CFAP74: variants seen among roughly 807,000 people sequenced by gnomAD.
CFAP74 encodes cilia- and flagella-associated protein 74.
In CFAP74, 124 loss-of-function variants were observed where a neutral mutation model predicts 188.9. The ratio of observed to expected loss-of-function variants is 0.66; its 90% CI spans 0.57 to 0.76. The LOEUF is 0.76. CFAP74 is among the 30% of genes least tolerant of loss of function. The probability of loss-of-function intolerance (pLI) is 0.00; values close to 1 mark genes in which losing one functional copy is unlikely to be tolerated. For synonymous variants in CFAP74, 956 were observed against 916.7 expected (o/e 1.04, Z -0.77); for missense variants, 2,198 against 2,165.2 (o/e 1.02, Z -0.30).
intron 6 of CFAP74, among the ~76,000 whole-genome samples, chr1:1,979,594 G>T (rs1308809172): frequency 1.5e-5 from 2 of 133,866 alleles, no homozygotes. Context: ...GAACATGCGT[G>T]TGGTACTGAG....
Position 1,988,991 on chromosome 1 carries a change from A to G in CFAP74, c.68-18T>C. 2 of 1,200,120 alleles carry G rather than the reference A, an allele frequency of 1.7e-6. No individual in the cohort carries two copies. The highest frequency in any genetic ancestry group is 2.4e-6 in the Non-Finnish European group (2 of 838,130). The allele number at this position is 1,200,120 out of a possible 1,614,324, so 74.3% of individuals were successfully genotyped here. A position where few individuals can be genotyped will look rare whatever the true frequency, so the allele number is the denominator to read the frequency against. ...ATCTCTTTCTAGAAATCAAGGCAAGAGTTTAAAAAAAAAAAAAAGCAGATC... is the reference window on the plus strand; with the variant it reads ...ATCTCTTTCTAGAAATCAAGGCAAGGGTTTAAAAAAAAAAAAAAGCAGATC... On this transcript the variant is annotated intron_variant, in intron 2 of 38. Coordinates refer to ENST00000682832, the MANE Select transcript of CFAP74 (RefSeq NM_001304360.2).
At chr1:1,974,500 G>A (rs1418207191) in intron 6 of CFAP74, among the ~76,000 whole-genome samples, 1 of 152,228 alleles carries the variant, frequency 6.6e-6, no homozygotes. Flanking sequence ...CCTGGGGCAG[G>A]CCCTGCCCAG....
chr1:1,926,457 G>A lies in CFAP74; in HGVS notation c.3828C>T (p.Ala1276=), dbSNP rs28429519. ...SIQNVSPEDL[A]LDFSLLNPNG... is the part of the protein sequence containing the mutation. ...GCCTGAGCTGGGTGGACAAGGACAC[G>A]GCCAGATCCTCGGGAGAGACGTTCT... Residue 1276 remains alanine (A), a splice_region_variant and synonymous_variant, in exon 31 of 39, where the codon GCC becomes GCT. Transcript: ENST00000682832. 1.6e-3 allele frequency: 2,456 copies of A among 1,550,260 alleles called. 42 individuals are homozygous for A. In the African/African-American group the frequency reaches 0.03, roughly 19 times the overall value.
chr1:1,966,894 C>T (rs987172349), intron 11 of CFAP74, among the ~76,000 whole-genome samples: 1 of 149,286 alleles, frequency 6.7e-6, no homozygotes, highest in Non-Finnish European at 1.5e-5. Flanking sequence ...TAGAGTGTAG[C>T]AGCGCGATCT....
In CFAP74 at chr1:1,923,316, C is replaced by T. The variant is rs1337185654; in HGVS notation, c.4522+51G>A. On this transcript the variant is annotated intron_variant, in intron 36 of 38. Transcript: ENST00000682832. This position sits in a 1 kb window ranked among gnomAD's most constrained non-coding sequence, Gnocchi z 6.3. ...GGTCTCGGGGCCCCCATCCACGGGA[C>T]AGGGGCACCGGGAGGCCCCGTGTCT... 1.3e-6 allele frequency: 2 copies of T among 1,528,812 alleles called. No homozygotes were observed. The highest frequency in any genetic ancestry group is 2.0e-5 in the Admixed American group (1 of 49,592). The allele number at this position is 1,528,812 out of a possible 1,614,324, so 94.7% of individuals were successfully genotyped here.
intron 25 of CFAP74, 124 bp downstream of exon 25, chr1:1,938,731 G>C: frequency 8.4e-7 from 1 of 1,188,542 alleles, no homozygotes; most frequent in Non-Finnish European, 1.2e-6. Context: ...GTGCTGCCCA[G>C]CCCAGCCCTG....
At chr1:1,987,178 C>T in intron 4 of CFAP74, 143 bp from the exon 5 acceptor site, 1 of 609,148 alleles carries the variant, frequency 1.6e-6, no homozygotes. Context: ...TCTCTAACAC[C>T]TTCAAGCCAC....
At chr1:1,956,594 C>T in intron 17 of CFAP74, 26 bp downstream of exon 17, 1 of 1,613,588 alleles carries the variant, frequency 6.2e-7, no homozygotes, top group Non-Finnish European at 8.5e-7. Context: ...TCCCCACACT[C>T]CCCCATGGCT....
At position 1,955,182 on chromosome 1, in the gene CFAP74, C is replaced by T; in HGVS notation, c.2176+509G>A. 2.3e-6 allele frequency: 3 copies of T among 1,286,516 alleles called. No homozygotes were observed. The South Asian group carries it at 3.7e-5, about 16-fold the overall frequency. 79.7% of individuals were successfully genotyped at this position (1,286,516 alleles called of 1,614,324 possible). On this transcript the variant is annotated intron_variant, in intron 18 of 38. Coordinates refer to ENST00000682832, the MANE Select transcript of CFAP74 (RefSeq NM_001304360.2). Reference sequence around the variant, plus strand: ...ACAGACAGGAGGAGGACGGAGGTTTCTGGATCTCGATGCGTATGTGGGAAA... The same window carrying T: ...ACAGACAGGAGGAGGACGGAGGTTTTTGGATCTCGATGCGTATGTGGGAAA...
intron 1 of CFAP74, among the ~76,000 whole-genome samples, chr1:1,999,150 C>A (rs150312730): frequency 3.2e-4 from 48 of 152,286 alleles, no homozygotes; most frequent in African/African-American, 9.9e-4. Context: ...GGGTGCCCCA[C>A]CAGATATCAA....
At chr1:1,969,705 C>G (rs1013180260) in intron 10 of CFAP74, among the ~76,000 whole-genome samples, 1 of 152,212 alleles carries the variant, frequency 6.6e-6, no homozygotes, top group East Asian at 1.9e-4. Context: ...TGCCAGGACC[C>G]CCCCGCCCAG....
Position 1,922,696 on chromosome 1 carries a change from C to T in CFAP74, c.4711G>A (p.Ala1571Thr), listed in dbSNP as rs949920100. The T allele has an allele frequency of 1.6e-5, 26 of 1,600,010 alleles. No individual in the cohort carries two copies. The highest frequency in any genetic ancestry group is 2.2e-5 in the South Asian group (2 of 90,136). The change falls in exon 38 of 39, where the codon GCA becomes ACA. Residue 1571 changes from alanine to threonine, a missense_variant. Transcript: ENST00000682832. The part of the protein sequence containing the change: ...KTVEFSIDSV[A>T]SLQHKGFSIE... ...GAGAAACCCTTGTGCTGCAGGGATGCGACGCTGTCTATGCTGAACTCAACG... is the reference window on the plus strand; with the variant it reads ...GAGAAACCCTTGTGCTGCAGGGATGTGACGCTGTCTATGCTGAACTCAACG...
chr1:1,982,256 G>A (rs1331398734), intron 6 of CFAP74, among the ~76,000 whole-genome samples: 6 of 109,614 alleles, frequency 5.5e-5, no homozygotes, highest in East Asian at 5.7e-4. Flanking sequence ...GGTCACACGC[G>A]GGGACACGCA....
intron 12 of CFAP74, 37 bp from the exon 13 acceptor site, chr1:1,965,098 G>A (rs533950128): frequency 9.0e-5 from 144 of 1,592,736 alleles, no homozygotes; most frequent in African/African-American, 8.1e-5. Flanking sequence ...GGCTGTTAGC[G>A]GCTCCACCTG....
chr1:1,962,899 A>C (rs13303002), intron 14 of CFAP74, among the ~76,000 whole-genome samples: 22,108 of 152,212 alleles, frequency 0.15, 1,803 homozygotes, highest in Middle Eastern at 0.28. Context: ...AAACAAAACA[A>C]AGAAAAGGAA....
At chr1:1,939,272 C>A (rs1297479452) in intron 24 of CFAP74, among the ~76,000 whole-genome samples, 2 of 152,188 alleles carry the variant, frequency 1.3e-5, no homozygotes, top group Non-Finnish European at 2.9e-5. Context: ...GGCGGGGCAG[C>A]CCAGGGAAAG....
In CFAP74 at chr1:1,926,665, G is replaced by A. The variant is rs762722944; in HGVS notation, c.3759C>T (p.Gly1253=). ...SHKGKTIFNF[G]DVAVGHRSIK... ...TTAGCGTCTCACCCACAGCGACGTC[G>A]CCGAAGTTAAAGATGGTCTTGCCTT... The change falls in exon 30 of 39, where the codon GGC becomes GGT. Residue 1253 remains glycine (G), a synonymous_variant. Transcript: ENST00000682832. 8.7e-5 allele frequency: 135 copies of A among 1,549,834 alleles called. 1 individual carries two copies. The highest frequency in any genetic ancestry group is 1.1e-4 in the Non-Finnish European group (130 of 1,146,666).
rs1651428072 is a variant in CFAP74, at chr1:1,922,127, G to A, written c.*160C>T. 3 of 603,240 alleles carry A rather than the reference G, an allele frequency of 5.0e-6. No homozygotes were observed. Among genetic ancestry groups the A allele is most frequent in the Non-Finnish European group, 8.8e-6 (3 of 342,336 alleles). 37.4% of individuals were successfully genotyped at this position (603,240 alleles called of 1,614,324 possible). On this transcript the variant is annotated 3_prime_UTR_variant, in exon 39 of 39. Coordinates refer to ENST00000682832, the MANE Select transcript of CFAP74 (RefSeq NM_001304360.2). ...GATGTCCCTGGGCTTGCGGGGTCCA[G>A]GGCAGCAGGAAGTGGCCGTGGCGCC...
At chr1:1,985,049 C>T (rs1657144859) in intron 6 of CFAP74, 1 of 245,228 alleles carries the variant, frequency 4.1e-6, no homozygotes, top group Non-Finnish European at 8.1e-6. Flanking sequence ...CCCAACTCCA[C>T]AGGAAAGCAT....
Sources: allele counts gnomAD v4.1 joint callset (sites outside exome capture counted in the v4.1 genomes callset), GRCh38; gene constraint gnomAD v4.1.1; non-coding constraint Gnocchi (gnomAD v3.1); transcripts MANE v1.5; gene names NCBI Gene and HGNC (gene_info 2026-07-23, HGNC 2026-07-21).